NELL1: variants seen among roughly 807,000 people sequenced by gnomAD.
NELL1 encodes neural EGFL like 1.
NELL1 carries 76 observed loss-of-function variants against 107.4 expected under a neutral mutation model. The ratio of observed to expected loss-of-function variants is 0.71; its 90% CI spans 0.59 to 0.86. The LOEUF (loss-of-function observed/expected upper bound fraction) is 0.86. Ranked by LOEUF, NELL1 falls within the 40% of genes least tolerant of loss-of-function variation. NELL1 has a pLI of 0.00. For synonymous variants in NELL1, 353 were observed against 341.2 expected, an observed-to-expected ratio of 1.03 and a Z score of -0.38; for missense variants, 1,024 against 1,005.5, an observed-to-expected ratio of 1.02 and a Z score of -0.25.
chr11:20,933,904 A>T (rs1388637638), intron 9 of NELL1, among the ~76,000 whole-genome samples: 1 of 152,160 alleles, frequency 6.6e-6, no homozygotes, highest in Non-Finnish European at 1.5e-5. Context: ...CATAATGGAG[A>T]AGTGTGTGTT....
intron 3 of NELL1, among the ~76,000 whole-genome samples, chr11:20,833,589 T>A (rs1224354900): frequency 6.6e-6 from 1 of 152,204 alleles, no homozygotes; most frequent in Non-Finnish European, 1.5e-5. Context: ...CTAAAGCTTA[T>A]CCAGTGGGAG....
chr11:21,203,181 A>G (rs1476608827), intron 13 of NELL1, among the ~76,000 whole-genome samples: 1 of 151,708 alleles, frequency 6.6e-6, no homozygotes, highest in Admixed American at 6.6e-5. Context: ...ATCCTTGTTA[A>G]TTTTCTGTCT....
rs1189615381 is a variant in NELL1 at position 21,411,781 on chromosome 11, T to C, written c.1645+40833T>C. 3.3e-5 allele frequency among the ~76,000 whole-genome samples: 5 copies of C among 152,162 alleles called. No homozygotes were observed. The East Asian group carries it at 9.7e-4, about 29-fold the overall frequency. On this transcript the variant is annotated intron_variant, in intron 15 of 19. Coordinates refer to ENST00000357134, the MANE Select transcript of NELL1 (RefSeq NM_006157.5). ...GATTCAGGTGAGGTGAATGATTCAG[T>C]AGATTTGATTCAGTAGATCAAATCA...
At chr11:20,755,544 TTTTTTG>T (rs1233240414) in intron 2 of NELL1, among the ~76,000 whole-genome samples, 7 of 41,492 alleles carry the variant, frequency 1.7e-4, no homozygotes, top group South Asian at 1.2e-3. Flanking sequence ...GTTTTTGTTT[TTTTTTG>T]TTTTTGTTTT....
rs570301495 is a variant in NELL1, at chr11:21,499,620, T to G, written c.1646-34754T>G. 7.7e-4 allele frequency among the ~76,000 whole-genome samples: 117 copies of G among 152,256 alleles called. 1 individual carries two copies. The highest frequency in any genetic ancestry group is 2.7e-3 in the African/African-American group (111 of 41,572). On this transcript the variant is annotated intron_variant, in intron 15 of 19. Transcript: ENST00000357134. ...ATGAGTTGTGGCAAGTTGTAAGTTT[T>G]CTTTCCAGGAGGAAGGCTCTCTGTA... is the stretch of plus-strand genomic sequence containing the variant.
intron 14 of NELL1, among the ~76,000 whole-genome samples, chr11:21,286,372 C>T (rs1362439182): frequency 6.6e-6 from 1 of 152,154 alleles, no homozygotes; most frequent in Non-Finnish European, 1.5e-5. Context: ...CTGTCCAGGG[C>T]TGCCACTAGC....
At chr11:21,508,651 A>C (rs560745254) in intron 15 of NELL1, among the ~76,000 whole-genome samples, 1 of 152,290 alleles carries the variant, frequency 6.6e-6, no homozygotes, top group Non-Finnish European at 1.5e-5. Flanking sequence ...TATTGTGAAC[A>C]TGTTGCTTTT....
intron 15 of NELL1, among the ~76,000 whole-genome samples, chr11:21,380,586 A>T (rs1425690246): frequency 6.6e-6 from 1 of 152,010 alleles, no homozygotes; most frequent in Non-Finnish European, 1.5e-5. Flanking sequence ...TCTGCTAAAG[A>T]TCCAGCATAC....
chr11:21,113,617 T>C lies in NELL1; in HGVS notation c.1329T>C (p.His443=). ...TTGATGAGTGTGCAGCTAAGATGCA[T>C]TACTGTCATGCCAATACTGTGTGTG... is the stretch of plus-strand genomic sequence containing the variant. ...EDIDECAAKM[H]YCHANTVCVN... The change falls in exon 13 of 20, where the codon CAT becomes CAC. Residue 443 remains histidine (H), a synonymous_variant. Coordinates refer to ENST00000357134, the MANE Select transcript of NELL1 (RefSeq NM_006157.5). 1 of 1,612,210 alleles carries C rather than the reference T, an allele frequency of 6.2e-7. No individual in the cohort carries two copies.
rs1404176533 is a variant in NELL1 at position 20,937,789 on chromosome 11, A to C, written c.1001A>C (p.Lys334Thr). 1.2e-6 allele frequency: 2 copies of C among 1,613,774 alleles called. No homozygotes were observed. Among genetic ancestry groups the C allele is most frequent in the African/African-American group, 2.7e-5 (2 of 74,910 alleles). Residue 334 changes from lysine to threonine, a missense_variant, in exon 10 of 20, where the codon AAA becomes ACA. Lys to Thr is a moderately conservative substitution (Grantham distance 78, BLOSUM62 -1). Transcript: ENST00000357134. ...AGQCCKVCRP[K>T]CIYGGKVLAE... ...CCATTTTTATGTTTTATTACAGCAA[A>C]ATGTATCTATGGAGGAAAAGTTCTT...
At chr11:21,067,965 G>A (rs1460504011) in intron 12 of NELL1, among the ~76,000 whole-genome samples, 6 of 139,254 alleles carry the variant, frequency 4.3e-5, no homozygotes, top group East Asian at 2.3e-4. Context: ...CTCGGGAGGC[G>A]GAGGTTGTAG....
At chr11:21,386,782 A>C (rs1851756867) in intron 15 of NELL1, among the ~76,000 whole-genome samples, 1 of 151,774 alleles carries the variant, frequency 6.6e-6, no homozygotes, top group Non-Finnish European at 1.5e-5. Flanking sequence ...CCTTTTGGAG[A>C]TGTTTACATT....
At chr11:21,413,687 T>G (rs1852434158) in intron 15 of NELL1, among the ~76,000 whole-genome samples, 1 of 152,048 alleles carries the variant, frequency 6.6e-6, no homozygotes, top group Non-Finnish European at 1.5e-5. Context: ...AACTGCATGG[T>G]CACCCCTTCT....
At chr11:20,881,335 A>G (rs1325451625) in intron 4 of NELL1, among the ~76,000 whole-genome samples, 1 of 152,198 alleles carries the variant, frequency 6.6e-6, no homozygotes, top group Admixed American at 6.5e-5. Flanking sequence ...TCTTTGATAA[A>G]TAGTAGCTTG....
chr11:21,048,016 A>C, intron 12 of NELL1, among the ~76,000 whole-genome samples: 1 of 152,148 alleles, frequency 6.6e-6, no homozygotes, highest in Non-Finnish European at 1.5e-5. Context: ...GCAGTTCCAC[A>C]CTGAATTGCC....
intron 13 of NELL1, among the ~76,000 whole-genome samples, chr11:21,185,138 A>G (rs1856906625): frequency 6.6e-6 from 1 of 151,612 alleles, no homozygotes; most frequent in African/African-American, 2.4e-5. Flanking sequence ...ATCCATCCTT[A>G]GGGCTGACAG....
intron 13 of NELL1, among the ~76,000 whole-genome samples, chr11:21,168,218 G>T: frequency 6.6e-6 from 1 of 151,824 alleles, no homozygotes. Flanking sequence ...TGATAAATGG[G>T]CATCCAATTT....
chr11:21,511,801 G>A (rs1253481700), intron 15 of NELL1, among the ~76,000 whole-genome samples: 1 of 152,146 alleles, frequency 6.6e-6, no homozygotes, highest in African/African-American at 2.4e-5. Context: ...AATGGTATGG[G>A]ATGAGAAAAA....
chr11:21,351,553 C>G (rs368342767), intron 14 of NELL1, among the ~76,000 whole-genome samples: 137 of 150,864 alleles, frequency 9.1e-4, no homozygotes, highest in African/African-American at 3.2e-3. Context: ...TTTTAAATTT[C>G]TAATTCTATA....
Sources: gnomAD v4.1 joint callset for allele counts (sites outside exome capture counted in the v4.1 genomes callset) on GRCh38, gnomAD v4.1.1 for gene constraint, MANE v1.5 for transcripts, NCBI Gene and HGNC (gene_info 2026-07-23, HGNC 2026-07-21) for gene names.